DACH1: variants seen among roughly 807,000 people sequenced by gnomAD.
The protein encoded by DACH1 is dachshund homolog 1.
A neutral mutation model predicts 54.2 loss-of-function variants in DACH1; 12 were observed. That is an observed-to-expected ratio of 0.22 (90% CI 0.14 to 0.36). The LOEUF is 0.36. DACH1 is among the 10% of genes least tolerant of loss of function. The pLI is 1.00. For synonymous variants in DACH1, 386 were observed against 366.2 expected, an observed-to-expected ratio of 1.05 and a Z score of -0.62; for missense variants, 805 against 929.8, an observed-to-expected ratio of 0.87 and a Z score of 1.75.
chr13:71,716,884 G>C (rs1882996695), intron 1 of DACH1, among the ~76,000 whole-genome samples: 1 of 152,158 alleles, frequency 6.6e-6, no homozygotes, highest in African/African-American at 2.4e-5. Flanking sequence ...TGTTACATAG[G>C]TATACATGTG....
At chr13:71,854,859 C>T (rs1322368534) in intron 1 of DACH1, among the ~76,000 whole-genome samples, 1 of 151,960 alleles carries the variant, frequency 6.6e-6, no homozygotes, top group East Asian at 1.9e-4. Flanking sequence ...TACTAGGAAA[C>T]AGCCAAAGAA....
At chr13:71,617,890 A>G (rs1875903370) in intron 3 of DACH1, among the ~76,000 whole-genome samples, 1 of 152,136 alleles carries the variant, frequency 6.6e-6, no homozygotes, top group South Asian at 2.1e-4. Flanking sequence ...TAAAAAAAAT[A>G]CTTAGCAGTA....
chr13:71,673,305 T>G (rs1880315889), intron 2 of DACH1, among the ~76,000 whole-genome samples: 1 of 152,142 alleles, frequency 6.6e-6, no homozygotes, highest in Non-Finnish European at 1.5e-5. Flanking sequence ...CAGGGTATAT[T>G]GTGATTTAAC....
intron 1 of DACH1, among the ~76,000 whole-genome samples, chr13:71,773,900 T>C (rs1885960049): frequency 6.6e-6 from 1 of 151,874 alleles, no homozygotes; most frequent in African/African-American, 2.4e-5. Flanking sequence ...AAACTATGCA[T>C]GTTTATCTTT....
At chr13:71,450,010 G>A (rs554900776) in intron 10 of DACH1, among the ~76,000 whole-genome samples, 1 of 152,026 alleles carries the variant, frequency 6.6e-6, no homozygotes, top group Admixed American at 6.6e-5. Flanking sequence ...CATGGCACAT[G>A]TATACATATG....
intron 6 of DACH1, among the ~76,000 whole-genome samples, chr13:71,525,070 T>A (rs1881862609): frequency 6.6e-6 from 1 of 152,186 alleles, no homozygotes; most frequent in African/African-American, 2.4e-5. Flanking sequence ...TAATAACCAA[T>A]TCACTGTGTC....
At chr13:71,644,451 G>A (rs1266597394) in intron 2 of DACH1, among the ~76,000 whole-genome samples, 1 of 152,156 alleles carries the variant, frequency 6.6e-6, no homozygotes. Context: ...GATGAAAGTT[G>A]TCACAGCCTC....
chr13:71,792,483 AC>A lies in DACH1; in HGVS notation c.848+73438del, dbSNP rs535419076. ...CCTATTTTCCTCAAAGTCAAAGGAT[AC>A]TTTTAGTTTTGATAATAGACAATAA... is the stretch of plus-strand genomic sequence containing the variant. On this transcript the variant is annotated intron_variant, in intron 1 of 10. Transcript: ENST00000613252. 5.9e-5 allele frequency among the ~76,000 whole-genome samples: 9 copies of A among 152,300 alleles called. No individual in the cohort carries two copies. The South Asian group carries it at 1.7e-3, about 28-fold the overall frequency.
At chr13:71,865,582 G>T (rs1402437211) in intron 1 of DACH1, among the ~76,000 whole-genome samples, 1 of 152,166 alleles carries the variant, frequency 6.6e-6, no homozygotes, top group Non-Finnish European at 1.5e-5. Flanking sequence ...CGCGCCCGGG[G>T]CAGGGGGCTG....
chr13:71,545,754 T>C (rs749017515), intron 6 of DACH1, among the ~76,000 whole-genome samples: 2 of 152,086 alleles, frequency 1.3e-5, no homozygotes, highest in East Asian at 1.9e-4. Context: ...ACAAATGTAA[T>C]CACAAGTTTG....
rs1260791953 is a variant in DACH1 at position 71,866,521 on chromosome 13, T to G, written c.249A>C (p.Gly83=). ...CGTTGCCGCTGCTGCCGCCGCCGCC[T>G]CCGCTGCCGCCGCCGCCGCCGCCGC... is the stretch of plus-strand genomic sequence containing the variant. ...TGGGGGGGGS[G]GGGGSSGNGG... Residue 83 remains glycine (G), a synonymous_variant, in exon 1 of 11, where the codon GGA becomes GGC. Coordinates refer to ENST00000613252, the MANE Select transcript of DACH1 (RefSeq NM_080759.6). 5.7e-5 allele frequency: 61 copies of G among 1,076,488 alleles called. No individual in the cohort carries two copies. Among genetic ancestry groups the G allele is most frequent in the East Asian group, 1.7e-4 (3 of 18,168 alleles). 66.7% of individuals were successfully genotyped at this position (1,076,488 alleles called of 1,614,324 possible). A position where few individuals can be genotyped will look rare whatever the true frequency, so the allele number is the denominator to read the frequency against.
rs1873901702 is a variant in DACH1, at chr13:71,440,323, T to C, written c.*332A>G. On this transcript the variant is annotated 3_prime_UTR_variant, in exon 11 of 11. Transcript: ENST00000613252. ...ATTTTCAGAAGAGGAAAATGGTTCA[T>C]TCCATTAGAAAAAAACAAAGCTAGG... The C allele has an allele frequency of 4.7e-6, 1 of 212,528 alleles. No homozygotes were observed. The highest frequency in any genetic ancestry group is 9.2e-6 in the Non-Finnish European group (1 of 108,512). The allele number at this position is 212,528 out of a possible 1,614,324, so 13.2% of individuals were successfully genotyped here. A position where few individuals can be genotyped will look rare whatever the true frequency, so the allele number is the denominator to read the frequency against.
intron 3 of DACH1, among the ~76,000 whole-genome samples, chr13:71,620,272 TTAAACTA>T (rs1051010725): frequency 1.3e-5 from 2 of 151,916 alleles, no homozygotes; most frequent in African/African-American, 4.8e-5. Context: ...AGTTCAGCAC[TTAAACTA>T]TAGAGAGATG....
At chr13:71,816,703 T>C (rs868338436) in intron 1 of DACH1, among the ~76,000 whole-genome samples, 65 of 150,272 alleles carry the variant, frequency 4.3e-4, no homozygotes, top group African/African-American at 1.6e-3. Context: ...TATATATATA[T>C]ACACACACCA....
chr13:71,517,500 AC>A lies in DACH1; in HGVS notation c.1571-28353del, dbSNP rs1490061358. ...ACTTTATTTCTTTATTTTTTGTAAA[AC>A]TTCTAGATTTTTCTAGACTACATTA... is the stretch of plus-strand genomic sequence containing the variant. On this transcript the variant is annotated intron_variant, in intron 6 of 10. Coordinates refer to ENST00000613252, the MANE Select transcript of DACH1 (RefSeq NM_080759.6). 2.2e-3 allele frequency among the ~76,000 whole-genome samples: 335 copies of A among 151,968 alleles called. 1 individual carries two copies. The highest frequency in any genetic ancestry group is 7.9e-3 in the African/African-American group (329 of 41,490).
chr13:71,789,732 C>T (rs1886757457), intron 1 of DACH1, among the ~76,000 whole-genome samples: 1 of 152,088 alleles, frequency 6.6e-6, no homozygotes, highest in Non-Finnish European at 1.5e-5. Flanking sequence ...ACCTGGGAAA[C>T]ATGTAAATTG....
chr13:71,675,879 A>G (rs1880536349), intron 2 of DACH1, among the ~76,000 whole-genome samples: 1 of 152,160 alleles, frequency 6.6e-6, no homozygotes, highest in Non-Finnish European at 1.5e-5. Flanking sequence ...CATACAGTAG[A>G]TTCCATCCAT....
chr13:71,559,693 C>T, intron 5 of DACH1, 127 bp downstream of exon 5: 2 of 1,170,388 alleles, frequency 1.7e-6, no homozygotes, highest in Middle Eastern at 2.9e-4. Context: ...TGAGAGATGG[C>T]TATTGCTACA....
At chr13:71,484,796 G>A (rs545623103) in intron 7 of DACH1, among the ~76,000 whole-genome samples, 10 of 152,216 alleles carry the variant, frequency 6.6e-5, no homozygotes, top group Middle Eastern at 3.4e-3. Context: ...GCCCGGGCGC[G>A]GTGGCTCACG....
Sources: gnomAD v4.1 joint callset for allele counts (sites outside exome capture counted in the v4.1 genomes callset) on GRCh38, gnomAD v4.1.1 for gene constraint, MANE v1.5 for transcripts, NCBI Gene and HGNC (gene_info 2026-07-23, HGNC 2026-07-21) for gene names.